The following ENPP6 variants were observed in gnomAD, a reference collection of about 807,000 sequenced individuals.
ENPP6 encodes ectonucleotide pyrophosphatase/phosphodiesterase 6, also known as glycerophosphocholine cholinephosphodiesterase ENPP6.
A neutral mutation model predicts 42.0 loss-of-function variants in ENPP6; 32 were observed. The observed-to-expected ratio is 0.76, with a 90% CI of 0.58 to 1.02. The LOEUF (loss-of-function observed/expected upper bound fraction) is 1.02. Ranked by LOEUF, ENPP6 falls within the 50% of genes least tolerant of loss-of-function variation. The probability of loss-of-function intolerance (pLI) is 0.00; values close to 1 mark genes in which losing one functional copy is unlikely to be tolerated. For missense variants in ENPP6, 552 were observed against 566.8 expected, an observed-to-expected ratio of 0.97 and a Z score of 0.27; for synonymous variants, 213 against 216.0, an observed-to-expected ratio of 0.99 and a Z score of 0.12.
intron 1 of ENPP6, among the ~76,000 whole-genome samples, chr4:184,163,946 G>A (rs1737307321): frequency 6.6e-6 from 1 of 152,214 alleles, no homozygotes; most frequent in Admixed American, 6.5e-5. Context: ...TTTTTGCCCA[G>A]AGGCAGCATT....
intron 1 of ENPP6, among the ~76,000 whole-genome samples, chr4:184,209,689 CA>C (rs1197600920): frequency 6.7e-6 from 1 of 149,026 alleles, no homozygotes; most frequent in Non-Finnish European, 1.5e-5. Flanking sequence ...AGAACTTCCC[CA>C]ATCTAGCAAG....
chr4:184,209,112 T>A (rs1733064697), intron 1 of ENPP6, among the ~76,000 whole-genome samples: 1 of 150,100 alleles, frequency 6.7e-6, no homozygotes, highest in African/African-American at 2.5e-5. Context: ...AGACCAAAAG[T>A]AGATAAAACC....
At chr4:184,193,962 G>T (rs1732747596) in intron 1 of ENPP6, among the ~76,000 whole-genome samples, 1 of 152,110 alleles carries the variant, frequency 6.6e-6, no homozygotes, top group African/African-American at 2.4e-5. Context: ...TTCCTTGATT[G>T]CTTTGGCCTT....
chr4:184,194,872 A>T (rs1732770221), intron 1 of ENPP6, among the ~76,000 whole-genome samples: 1 of 152,126 alleles, frequency 6.6e-6, no homozygotes, highest in Non-Finnish European at 1.5e-5. Context: ...GTATGGAGCA[A>T]TGACCAGTGC....
intron 7 of ENPP6, among the ~76,000 whole-genome samples, chr4:184,093,683 A>AATAATAATG (rs1485270852): frequency 6.1e-5 from 9 of 148,400 alleles, no homozygotes; most frequent in Non-Finnish European, 1.2e-4. Context: ...TAATAATAAT[A>AATAATAATG]ATGTAAAACC....
chr4:184,169,076 G>C (rs1250341269), intron 1 of ENPP6, among the ~76,000 whole-genome samples: 2 of 152,052 alleles, frequency 1.3e-5, no homozygotes, highest in African/African-American at 4.8e-5. Flanking sequence ...ACCACAATTT[G>C]TAATGGTCAC....
At chr4:184,114,155 G>A (rs1201028713) in intron 5 of ENPP6, among the ~76,000 whole-genome samples, 4 of 152,046 alleles carry the variant, frequency 2.6e-5, no homozygotes, top group African/African-American at 9.7e-5. Context: ...TAGTAAAGAC[G>A]GGTTTTCGCC....
At chr4:184,201,866 T>C (rs955990493) in intron 1 of ENPP6, among the ~76,000 whole-genome samples, 5 of 152,140 alleles carry the variant, frequency 3.3e-5, no homozygotes, top group Admixed American at 3.3e-4. Context: ...ACAGAGAGTA[T>C]AGTTTAAGTG....
intron 1 of ENPP6, among the ~76,000 whole-genome samples, chr4:184,189,158 C>T (rs10017084): frequency 0.51 from 77,563 of 151,868 alleles, 20,919 homozygotes; most frequent in East Asian, 0.95. Context: ...ATGTATATGC[C>T]AGGGGATTTC....
intron 1 of ENPP6, among the ~76,000 whole-genome samples, chr4:184,211,123 C>A (rs1286768806): frequency 6.7e-6 from 1 of 150,220 alleles, no homozygotes; most frequent in African/African-American, 2.5e-5. Context: ...TAAATGCCCA[C>A]AAGAGAAAGC....
chr4:184,107,698 G>A lies in ENPP6; in HGVS notation c.993+4974C>T, dbSNP rs12642088. 1.8e-3 allele frequency among the ~76,000 whole-genome samples: 281 copies of A among 152,250 alleles called. 3 individuals carry two copies. In the East Asian group the frequency reaches 0.036, roughly 19 times the overall value. ...TGGGAGGCTGAGGTGGGCGGATCACGAGGTCAGGAGATCGAGAACATCCTG... is the reference window on the plus strand; with the variant it reads ...TGGGAGGCTGAGGTGGGCGGATCACAAGGTCAGGAGATCGAGAACATCCTG... On this transcript the variant is annotated intron_variant, in intron 6 of 7. Coordinates refer to ENST00000296741, the MANE Select transcript of ENPP6 (RefSeq NM_153343.4).
chr4:184,097,563 T>C (rs1735933891), intron 6 of ENPP6, among the ~76,000 whole-genome samples, 195 bp from the exon 7 acceptor site: 1 of 152,202 alleles, frequency 6.6e-6, no homozygotes, highest in Admixed American at 6.5e-5. Flanking sequence ...ATTCGATTGC[T>C]AAGCGCTGTG....
At chr4:184,129,968 T>C (rs1308648339) in intron 2 of ENPP6, among the ~76,000 whole-genome samples, 1 of 152,236 alleles carries the variant, frequency 6.6e-6, no homozygotes, top group Non-Finnish European at 1.5e-5. Flanking sequence ...AACTCCCTTC[T>C]CTGTTTCTGT....
intron 1 of ENPP6, among the ~76,000 whole-genome samples, chr4:184,154,688 C>T (rs1005368322): frequency 2.0e-5 from 3 of 151,150 alleles, no homozygotes; most frequent in African/African-American, 7.3e-5. Context: ...AATGGAAAAA[C>T]CTTTCATTTC....
Position 184,090,665 on chromosome 4 carries a change from TAGAC to T in ENPP6, c.*508_*511del. On this transcript the variant is annotated 3_prime_UTR_variant, in exon 8 of 8. Transcript: ENST00000296741. ...AAAATTCCATGAGCTGGGTCAGAAA[TAGAC>T]AGTAGCTTTTGCTTTCATGTAGACC... is the stretch of plus-strand genomic sequence containing the variant. The T allele has an allele frequency of 4.4e-6, 1 of 226,362 alleles. No homozygotes were observed. The allele number at this position is 226,362 out of a possible 1,614,324, so 14.0% of individuals were successfully genotyped here.
chr4:184,204,551 G>A lies in ENPP6; in HGVS notation c.241+13028C>T, dbSNP rs78522162. On this transcript the variant is annotated intron_variant, in intron 1 of 7. Coordinates refer to ENST00000296741, the MANE Select transcript of ENPP6 (RefSeq NM_153343.4). ...TTGGCTCCACTTTCTCGACTTCAGC[G>A]ATCTTCACTACAAGGAGGCTCTCCC... Among the ~76,000 whole-genome samples, 321 of 152,230 alleles carry A rather than the reference G, an allele frequency of 2.1e-3. 1 individual carries two copies. Among genetic ancestry groups the A allele is most frequent in the African/African-American group, 7.3e-3 (303 of 41,542 alleles).
intron 1 of ENPP6, among the ~76,000 whole-genome samples, chr4:184,205,806 G>C (rs916490126): frequency 1.3e-5 from 2 of 152,212 alleles, no homozygotes; most frequent in Admixed American, 1.3e-4. Flanking sequence ...ACCTTGAAAG[G>C]TCAGCTGATT....
intron 3 of ENPP6, among the ~76,000 whole-genome samples, chr4:184,122,452 T>C (rs1176752393): frequency 2.5e-5 from 3 of 119,698 alleles, no homozygotes; most frequent in African/African-American, 8.6e-5. Context: ...ACCTTCCCCA[T>C]TCCTAAATAT....
chr4:184,180,911 T>C (rs1256787970), intron 1 of ENPP6, among the ~76,000 whole-genome samples: 2 of 152,204 alleles, frequency 1.3e-5, no homozygotes, highest in East Asian at 3.8e-4. Flanking sequence ...TCATACTGAA[T>C]GGGCAAAAAC....
Sources: gnomAD v4.1 joint callset for allele counts (sites outside exome capture counted in the v4.1 genomes callset) on GRCh38, gnomAD v4.1.1 for gene constraint, MANE v1.5 for transcripts, NCBI Gene and HGNC (gene_info 2026-07-23, HGNC 2026-07-21) for gene names.